MAP7D2: variants seen among roughly 807,000 people sequenced by gnomAD.
The protein encoded by MAP7D2 is MAP7 domain-containing protein 2.
Under a neutral mutation model 63.5 loss-of-function variants are expected in MAP7D2, and 33 were observed. That is an observed-to-expected ratio of 0.52 (90% CI 0.39 to 0.70). The LOEUF is 0.70. MAP7D2 is among the 30% of genes least tolerant of loss of function. MAP7D2 has a pLI of 0.00. For synonymous variants in MAP7D2, 224 were observed against 223.7 expected (o/e 1.00, Z -0.01); for missense variants, 626 against 604.0 (o/e 1.04, Z -0.38).
chrX:20,065,423 C>G (rs771579547), intron 1 of MAP7D2, among the ~76,000 whole-genome samples: 1 of 109,616 alleles, frequency 9.1e-6, no homozygotes, highest in Non-Finnish European at 1.9e-5. Context: ...CGTGCAACCA[C>G]GCATGGCTAA....
intron 8 of MAP7D2, among the ~76,000 whole-genome samples, chrX:20,032,400 C>T (rs1192581225): frequency 9.0e-6 from 1 of 110,907 alleles, no homozygotes; most frequent in Non-Finnish European, 1.9e-5. Flanking sequence ...CCAAGCCACA[C>T]ATCTCCCAGA....
At position 20,012,387 on chromosome X, in the gene MAP7D2, C is replaced by T; in HGVS notation, c.2034G>A (p.Leu678=). The change falls in exon 15 of 17, where the codon CTG becomes CTA. Residue 678 remains leucine (L), a synonymous_variant. Coordinates refer to ENST00000379643, the MANE Select transcript of MAP7D2 (RefSeq NM_001168465.2). ...LDALDGKSNS[L]DDSTEEVQSM... The stretch of plus-strand genomic sequence containing the variant: ...ACTGAACTTCTTCAGTTGAATCATC[C>T]AGGCTATTTGATTTCCCATCAAGGG... 4 of 1,207,283 alleles carry T rather than the reference C, an allele frequency of 3.3e-6. No individual in the cohort carries two copies. The highest frequency in any genetic ancestry group is 4.5e-6 in the Non-Finnish European group (4 of 893,433).
chrX:20,092,304 G>T (rs944539477), intron 1 of MAP7D2, among the ~76,000 whole-genome samples: 1 of 111,121 alleles, frequency 9.0e-6, no homozygotes, highest in East Asian at 2.8e-4. Context: ...GCACTTTGAC[G>T]TACTGAACTG....
chrX:20,091,571 A>G (rs1411558223), intron 1 of MAP7D2, among the ~76,000 whole-genome samples: 1 of 109,737 alleles, frequency 9.1e-6, no homozygotes, highest in Non-Finnish European at 1.9e-5. Context: ...AATAAATCAA[A>G]AGCCCAAACT....
At position 20,012,579 on chromosome X, in the gene MAP7D2, T is replaced by C. The variant is rs752674082; in HGVS notation, c.1886-44A>G. 1.1e-5 allele frequency: 11 copies of C among 1,017,917 alleles called. No homozygotes were observed. In the Admixed American group the frequency reaches 3.2e-4, roughly 30 times the overall value. The allele number at this position is 1,017,917 out of a possible 1,213,427, so 83.9% of individuals were successfully genotyped here. ...TCCCTTGTGTTAATCATAAAATGTC[T>C]AAATAAAGTAACAGAGAAATATAGA... On this transcript the variant is annotated intron_variant, in intron 14 of 16. Transcript: ENST00000379643.
intron 1 of MAP7D2, among the ~76,000 whole-genome samples, chrX:20,091,919 T>C (rs4424437): frequency 0.054 from 6,040 of 111,944 alleles, 404 homozygotes; most frequent in African/African-American, 0.19. Flanking sequence ...TGGCCAATAG[T>C]AAATGATAAA....
chrX:20,037,494 G>A lies in MAP7D2; in HGVS notation c.1007+5008C>T, dbSNP rs188315727. 7.2e-5 allele frequency among the ~76,000 whole-genome samples: 8 copies of A among 111,750 alleles called. No homozygotes were observed. In the East Asian group the frequency reaches 2.3e-3, roughly 32 times the overall value. The stretch of plus-strand genomic sequence containing the variant: ...ACTAGGGCCTGATTTACAGATGGCT[G>A]TGGATGATATGCAGGCACCACCTGA... On this transcript the variant is annotated intron_variant, in intron 8 of 16. Transcript: ENST00000379643.
At chrX:20,100,623 G>C in intron 1 of MAP7D2, among the ~76,000 whole-genome samples, 1 of 109,193 alleles carries the variant, frequency 9.2e-6, no homozygotes, top group Middle Eastern at 4.7e-3. Flanking sequence ...CTGGGGGGGA[G>C]GGAGGGGAAG....
chrX:20,113,736 A>C (rs1317300270), intron 1 of MAP7D2, among the ~76,000 whole-genome samples: 2 of 111,006 alleles, frequency 1.8e-5, no homozygotes, highest in African/African-American at 6.6e-5. Context: ...TCTGGGGTAC[A>C]TGAGATGTTT....
At chrX:20,106,503 C>T (rs1350458132) in intron 1 of MAP7D2, among the ~76,000 whole-genome samples, 1 of 112,192 alleles carries the variant, frequency 8.9e-6, no homozygotes, top group Non-Finnish European at 1.9e-5. Flanking sequence ...CTTGACAGCA[C>T]AGTCATCACA....
At chrX:20,052,806 A>G in intron 5 of MAP7D2, 72 bp downstream of exon 5, 1 of 838,665 alleles carries the variant, frequency 1.2e-6, no homozygotes, top group Non-Finnish European at 1.8e-6. Context: ...AGACTCTCAC[A>G]AAGACAAACG....
chrX:20,104,586 C>T (rs2066519169), intron 1 of MAP7D2, among the ~76,000 whole-genome samples: 5 of 112,742 alleles, frequency 4.4e-5, no homozygotes, highest in Admixed American at 3.7e-4. Context: ...CAGGCATGAG[C>T]CACCACGCCT....
intron 1 of MAP7D2, among the ~76,000 whole-genome samples, chrX:20,111,198 A>G (rs1260039026): frequency 9.0e-6 from 1 of 111,644 alleles, no homozygotes; most frequent in Non-Finnish European, 1.9e-5. Flanking sequence ...CCCCAAATGG[A>G]GCAGCAGAAC....
At chrX:20,047,331 G>C (rs1350621508) in intron 6 of MAP7D2, among the ~76,000 whole-genome samples, 2 of 112,129 alleles carry the variant, frequency 1.8e-5, no homozygotes, top group Middle Eastern at 4.6e-3. Flanking sequence ...GGAACCACAT[G>C]AGCCCTTGGG....
At chrX:20,097,932 C>T (rs2066315834) in intron 1 of MAP7D2, among the ~76,000 whole-genome samples, 1 of 111,834 alleles carries the variant, frequency 8.9e-6, no homozygotes, top group Non-Finnish European at 1.9e-5. Context: ...CTTATCAATG[C>T]TCAACTTGGA....
At chrX:20,088,046 C>T (rs773803237) in intron 1 of MAP7D2, among the ~76,000 whole-genome samples, 3 of 107,408 alleles carry the variant, frequency 2.8e-5, no homozygotes, top group East Asian at 2.9e-4. Context: ...CATACCATCA[C>T]GTCCGGCTAA....
At chrX:20,101,602 C>A (rs759551619) in intron 1 of MAP7D2, among the ~76,000 whole-genome samples, 1 of 111,976 alleles carries the variant, frequency 8.9e-6, no homozygotes, top group Non-Finnish European at 1.9e-5. Context: ...AAGCATAACG[C>A]TCATAAAAGT....
At position 20,044,381 on chromosome X, in the gene MAP7D2, C is replaced by G; in HGVS notation, c.862G>C (p.Gly288Arg). 1 of 1,211,406 alleles carries G rather than the reference C, an allele frequency of 8.3e-7. No individual in the cohort carries two copies. Among genetic ancestry groups the G allele is most frequent in the Non-Finnish European group, 1.1e-6 (1 of 895,339 alleles). ...AGDVGKEALS[G>R]GEASLVEKVK... ...AAACCTACCAGAGAGGCCTCTCCTC[C>G]TGAAAGGGCTTCTTTCCCAACATCT... The change falls in exon 7 of 17, where the codon GGA (glycine) becomes CGA (arginine). Residue 288 changes from glycine (G) to arginine (R), a missense_variant. Transcript: ENST00000379643.
rs376758870 is a variant in MAP7D2, at chrX:20,040,657, G to A, written c.1007+1845C>T. Among the ~76,000 whole-genome samples, 20 of 111,307 alleles carry A rather than the reference G, an allele frequency of 1.8e-4. No individual in the cohort carries two copies. The South Asian group carries it at 3.1e-3, about 17-fold the overall frequency. On this transcript the variant is annotated intron_variant, in intron 8 of 16. Transcript: ENST00000379643. ...GACAGATCCAAGGAGAGGGAGATGGGGGAATGGCCTGTCAGTGGAGCTGTC... is the reference window on the plus strand; with the variant it reads ...GACAGATCCAAGGAGAGGGAGATGGAGGAATGGCCTGTCAGTGGAGCTGTC...
Sources: gnomAD v4.1 joint callset for allele counts (sites outside exome capture counted in the v4.1 genomes callset) on GRCh38, gnomAD v4.1.1 for gene constraint, MANE v1.5 for transcripts, NCBI Gene and HGNC (gene_info 2026-07-23, HGNC 2026-07-21) for gene names.